PKNOX1: variants seen among roughly 807,000 people sequenced by gnomAD.
PKNOX1 encodes the protein PBX/knotted 1 homeobox 1, also known as homeobox protein PKNOX1.
In PKNOX1, 15 loss-of-function variants were observed where a neutral mutation model predicts 51.9. That is an observed-to-expected ratio of 0.29 (90% CI 0.19 to 0.45). The LOEUF is 0.45. Among genes scored for constraint, PKNOX1 ranks in the 20% least tolerant of loss-of-function variants. The pLI, the probability that PKNOX1 is intolerant of heterozygous loss-of-function variation, is 1.00. For synonymous variants in PKNOX1, 219 were observed against 211.1 expected, an observed-to-expected ratio of 1.04 and a Z score of -0.32; for missense variants, 462 against 547.5, an observed-to-expected ratio of 0.84 and a Z score of 1.56.
intron 2 of PKNOX1, among the ~76,000 whole-genome samples, chr21:43,005,372 C>G (rs1283653421): frequency 1.3e-5 from 2 of 152,012 alleles, no homozygotes; most frequent in Non-Finnish European, 2.9e-5. Flanking sequence ...GTTTTACCAA[C>G]CAGTCCTTGT....
intron 1 of PKNOX1, among the ~76,000 whole-genome samples, chr21:42,987,404 A>AAAAAAATATATATATATATATATAT: frequency 4.8e-5 from 2 of 41,418 alleles, no homozygotes; most frequent in African/African-American, 9.3e-5. Context: ...AAAAAAAAAA[A>AAAAAAATATATATATATATATATAT]ATATATATAT....
At position 43,009,990 on chromosome 21, in the gene PKNOX1, C is replaced by T. The variant is rs891778985; in HGVS notation, c.180-63C>T. 40 of 1,083,918 alleles carry T rather than the reference C, an allele frequency of 3.7e-5. No individual in the cohort carries two copies. The South Asian group carries it at 5.4e-4, about 15-fold the overall frequency. The allele number at this position is 1,083,918 out of a possible 1,614,324, so 67.1% of individuals were successfully genotyped here. On this transcript the variant is annotated intron_variant, in intron 3 of 10. Coordinates refer to ENST00000291547, the MANE Select transcript of PKNOX1 (RefSeq NM_004571.5). ...GTTAGTGAAGTAGTGCAGGCATACA[C>T]GCAAAGACATTCTCACGGAGATGTA...
intron 4 of PKNOX1, among the ~76,000 whole-genome samples, chr21:43,012,372 C>G (rs750415049): frequency 3.9e-5 from 6 of 152,090 alleles, no homozygotes; most frequent in Non-Finnish European, 7.4e-5. Context: ...ACAGCCTGAC[C>G]AACATGGTGA....
Position 43,013,194 on chromosome 21 carries a change from T to C in PKNOX1, c.478T>C (p.Leu160=), listed in dbSNP as rs1979330459. The change falls in exon 5 of 11, where the codon TTG becomes CTG. Residue 160 remains leucine (L), a synonymous_variant. Transcript: ENST00000291547. ...AACAAAAATGAACAGTGAAACTCTG[T>C]TGAGTGGAGAGCCTGGAAGCCCGTA... ...LKTKMNSETL[L]SGEPGSPYSP... 8 of 1,613,808 alleles carry C rather than the reference T, an allele frequency of 5.0e-6. No individual in the cohort carries two copies. Among genetic ancestry groups the C allele is most frequent in the African/African-American group, 1.3e-5 (1 of 74,924 alleles).
At chr21:43,026,460 T>C (rs1365666709) in intron 9 of PKNOX1, among the ~76,000 whole-genome samples, 1 of 152,154 alleles carries the variant, frequency 6.6e-6, no homozygotes, top group African/African-American at 2.4e-5. Context: ...ATAAGAATGA[T>C]TTAAAAACAC....
chr21:43,001,676 G>T (rs1170101114), intron 1 of PKNOX1, among the ~76,000 whole-genome samples: 1 of 151,998 alleles, frequency 6.6e-6, no homozygotes, highest in South Asian at 2.1e-4. Context: ...TAAAAATAAA[G>T]TTGGCCGGGC....
chr21:42,992,326 T>C (rs1253429729), intron 1 of PKNOX1, among the ~76,000 whole-genome samples: 1 of 152,174 alleles, frequency 6.6e-6, no homozygotes, highest in African/African-American at 2.4e-5. Flanking sequence ...GCTTTGGAGC[T>C]GGACAGATTG....
Position 43,013,145 on chromosome 21 carries a change from C to T in PKNOX1, c.429C>T (p.Cys143=), listed in dbSNP as rs1467170252. Residue 143 remains cysteine, a synonymous_variant, in exon 5 of 11, where the codon TGC becomes TGT. Transcript: ENST00000291547. ...EKVNELCKDF[C]SRYIACLKTK... ...TTAACGAACTCTGCAAAGATTTCTG[C>T]AGTCGATACATTGCTTGTCTGAAAA... The T allele has an allele frequency of 1.2e-6, 2 of 1,613,646 alleles. No individual in the cohort carries two copies. The highest frequency in any genetic ancestry group is 1.3e-5 in the African/African-American group (1 of 74,920).
intron 1 of PKNOX1, 57 bp downstream of exon 1, chr21:42,974,721 C>G (rs1265031169): frequency 6.0e-6 from 1 of 165,382 alleles, no homozygotes; most frequent in Admixed American, 6.6e-5. Flanking sequence ...CGCCGCCGTC[C>G]CTATCAATCA....
rs1383989569 is a variant in PKNOX1, at chr21:43,028,842, A to G, written c.1067A>G (p.Gln356Arg). 5 of 1,614,056 alleles carry G rather than the reference A, an allele frequency of 3.1e-6. No individual in the cohort carries two copies. Among genetic ancestry groups the G allele is most frequent in the African/African-American group, 2.7e-5 (2 of 74,932 alleles). Residue 356 changes from glutamine to arginine, a missense_variant, in exon 10 of 11, where the codon CAG becomes CGG. Coordinates refer to ENST00000291547, the MANE Select transcript of PKNOX1 (RefSeq NM_004571.5). ...WPDSIASGVA[Q>R]PPPSELTMSE... The stretch of plus-strand genomic sequence containing the variant: ...GATTCTATTGCATCAGGAGTCGCAC[A>G]GCCACCGCCGAGCGAGCTCACCATG...
At chr21:42,974,818 G>T (rs1365345273) in intron 1 of PKNOX1, among the ~76,000 whole-genome samples, 154 bp downstream of exon 1, 1 of 149,058 alleles carries the variant, frequency 6.7e-6, no homozygotes, top group Non-Finnish European at 1.5e-5. Context: ...CATTTGACCC[G>T]CCGCCCGGGG....
intron 2 of PKNOX1, among the ~76,000 whole-genome samples, chr21:43,005,756 C>T (rs1397176222): frequency 6.6e-6 from 1 of 152,056 alleles, no homozygotes; most frequent in African/African-American, 2.4e-5. Flanking sequence ...TCCCATCACT[C>T]TTCTCCCTCC....
intron 1 of PKNOX1, among the ~76,000 whole-genome samples, chr21:43,003,696 G>A (rs1601286745): frequency 6.6e-6 from 1 of 152,178 alleles, no homozygotes; most frequent in Non-Finnish European, 1.5e-5. Context: ...GAAGGCAGAG[G>A]CCCTGCCTGT....
chr21:43,018,451 C>A, intron 7 of PKNOX1, among the ~76,000 whole-genome samples: 3 of 101,156 alleles, frequency 3.0e-5, no homozygotes, highest in African/African-American at 3.9e-5. Context: ...GGAAAAAAGT[C>A]ACTCATAACC....
At chr21:43,006,500 A>AT (rs199665999) in intron 2 of PKNOX1, among the ~76,000 whole-genome samples, 1,953 of 145,648 alleles carry the variant, frequency 0.013, 13 homozygotes, top group Admixed American at 0.019. Flanking sequence ...TATTGCTTTT[A>AT]TTTTTTTTTT....
intron 1 of PKNOX1, among the ~76,000 whole-genome samples, chr21:42,984,957 G>T (rs1298517597): frequency 2.0e-5 from 3 of 147,410 alleles, no homozygotes; most frequent in Non-Finnish European, 4.5e-5. Flanking sequence ...AAGGGTTAGG[G>T]TTCCTCATTT....
intron 3 of PKNOX1, among the ~76,000 whole-genome samples, chr21:43,009,730 A>G (rs1979163716): frequency 6.6e-6 from 1 of 152,072 alleles, no homozygotes; most frequent in African/African-American, 2.4e-5. Flanking sequence ...GACGGTTCCC[A>G]TTTAGACAGA....
At chr21:42,987,650 G>A (rs1371681374) in intron 1 of PKNOX1, among the ~76,000 whole-genome samples, 4 of 137,532 alleles carry the variant, frequency 2.9e-5, no homozygotes, top group South Asian at 2.2e-4. Flanking sequence ...TGGAGTCTTC[G>A]CTCTTTCACC....
rs1371514285 is a variant in PKNOX1, at chr21:43,032,028, A to C, written c.*1927A>C. 2.7e-6 allele frequency: 1 copy of C among 374,658 alleles called. No individual in the cohort carries two copies. Among genetic ancestry groups the C allele is most frequent in the Middle Eastern group, 3.8e-4 (1 of 2,624 alleles). 23.2% of individuals were successfully genotyped at this position (374,658 alleles called of 1,614,324 possible). ...AGGCATGCGCCACCACACCCGGCTA[A>C]TTTTGTATTTTTAGTAGAGATGGGT... On this transcript the variant is annotated 3_prime_UTR_variant, in exon 11 of 11. Coordinates refer to ENST00000291547, the MANE Select transcript of PKNOX1 (RefSeq NM_004571.5).
Sources: gnomAD v4.1 joint callset for allele counts (sites outside exome capture counted in the v4.1 genomes callset) on GRCh38, gnomAD v4.1.1 for gene constraint, MANE v1.5 for transcripts, NCBI Gene and HGNC (gene_info 2026-07-23, HGNC 2026-07-21) for gene names.